Variants in DPYD observed in about 807,000 individuals in gnomAD.
DPYD encodes dihydropyrimidine dehydrogenase.
DPYD carries 109 observed loss-of-function variants against 116.2 expected under a neutral mutation model. The observed-to-expected ratio is 0.94, with a 90% CI of 0.80 to 1.10. DPYD has a LOEUF of 1.10. Among genes scored for constraint, DPYD ranks in the 50% least tolerant of loss-of-function variants. DPYD has a pLI of 0.00. For missense variants in DPYD, 1,302 were observed against 1,254.5 expected (o/e 1.04, Z -0.57); for synonymous variants, 440 against 432.0 (o/e 1.02, Z -0.23).
intron 7 of DPYD, among the ~76,000 whole-genome samples, chr1:97,688,479 T>G (rs544299103): frequency 3.9e-5 from 6 of 151,936 alleles, no homozygotes; most frequent in African/African-American, 1.5e-4. Flanking sequence ...ATAGACGATA[T>G]GAAGAAAAAT....
At chr1:97,095,254 A>G (rs1650161494) in intron 21 of DPYD, among the ~76,000 whole-genome samples, 1 of 152,128 alleles carries the variant, frequency 6.6e-6, no homozygotes, top group Non-Finnish European at 1.5e-5. Context: ...TTGTCCTTGA[A>G]AAGTTTTGGA....
intron 4 of DPYD, among the ~76,000 whole-genome samples, chr1:97,723,379 TC>T: frequency 6.6e-6 from 1 of 151,718 alleles, no homozygotes; most frequent in South Asian, 2.1e-4. Flanking sequence ...AGCATACTGT[TC>T]ATGGCTCAAT....
chr1:97,684,555 G>T (rs1052091461), intron 7 of DPYD, among the ~76,000 whole-genome samples: 1 of 149,660 alleles, frequency 6.7e-6, no homozygotes, highest in Admixed American at 6.7e-5. Context: ...CCGGGAGCTG[G>T]TTTTTTGAAA....
intron 4 of DPYD, among the ~76,000 whole-genome samples, chr1:97,735,185 G>A (rs1230863703): frequency 1.3e-5 from 2 of 152,050 alleles, no homozygotes; most frequent in African/African-American, 4.8e-5. Context: ...ATGCTTCACA[G>A]TTCTCAGAGA....
intron 8 of DPYD, among the ~76,000 whole-genome samples, chr1:97,651,575 ACTTTCAT>A (rs113664016): frequency 0.14 from 21,607 of 151,922 alleles, 1,637 homozygotes; most frequent in African/African-American, 0.18. Context: ...TTGAGTTCTG[ACTTTCAT>A]CTTTCATTCA....
chr1:97,657,838 T>C (rs1659029564), intron 8 of DPYD, among the ~76,000 whole-genome samples: 1 of 152,186 alleles, frequency 6.6e-6, no homozygotes, highest in Non-Finnish European at 1.5e-5. Flanking sequence ...TTTCTGAAAT[T>C]CTTCTCAGAG....
chr1:97,185,144 A>C (rs1482370393), intron 20 of DPYD, among the ~76,000 whole-genome samples: 2 of 152,180 alleles, frequency 1.3e-5, no homozygotes, highest in African/African-American at 4.8e-5. Context: ...AACTCCAAGA[A>C]ATCAATTAAA....
intron 3 of DPYD, among the ~76,000 whole-genome samples, chr1:97,751,407 T>C (rs1664874417): frequency 7.1e-6 from 1 of 141,304 alleles, no homozygotes; most frequent in East Asian, 2.1e-4. Flanking sequence ...TATACATATA[T>C]ACGTGTATAT....
chr1:97,681,447 T>A (rs1456745894), intron 7 of DPYD, among the ~76,000 whole-genome samples: 1 of 152,116 alleles, frequency 6.6e-6, no homozygotes, highest in African/African-American at 2.4e-5. Flanking sequence ...AAATAGTAAT[T>A]CTGTTTTTAT....
chr1:97,762,555 A>G (rs368704676), intron 3 of DPYD, among the ~76,000 whole-genome samples: 31 of 152,252 alleles, frequency 2.0e-4, no homozygotes, highest in African/African-American at 7.5e-4. Context: ...GTCAACCTTT[A>G]TATTTTAAAA....
intron 13 of DPYD, among the ~76,000 whole-genome samples, chr1:97,495,162 A>ATT (rs1478941360): frequency 6.6e-6 from 1 of 152,096 alleles, no homozygotes; most frequent in Non-Finnish European, 1.5e-5. Flanking sequence ...GGTGGGAGGA[A>ATT]TTAAGACTAA....
At chr1:97,324,378 A>T (rs1558031836) in intron 16 of DPYD, among the ~76,000 whole-genome samples, 2 of 151,960 alleles carry the variant, frequency 1.3e-5, no homozygotes, top group Admixed American at 6.6e-5. Flanking sequence ...ACCTCTTTTT[A>T]TTTAGTCTCC....
chr1:97,732,188 T>A (rs1663656698), intron 4 of DPYD, among the ~76,000 whole-genome samples: 2 of 152,062 alleles, frequency 1.3e-5, no homozygotes, highest in Admixed American at 6.6e-5. Flanking sequence ...TTGTATCAGC[T>A]GTGATTAAAA....
At chr1:97,233,755 G>A (rs1325599053) in intron 19 of DPYD, among the ~76,000 whole-genome samples, 1 of 152,116 alleles carries the variant, frequency 6.6e-6, no homozygotes, top group Admixed American at 6.5e-5. Context: ...TGTTTCTCGG[G>A]TCTTGAGATC....
At chr1:97,784,008 C>T (rs1320098901) in intron 3 of DPYD, among the ~76,000 whole-genome samples, 1 of 152,146 alleles carries the variant, frequency 6.6e-6, no homozygotes, top group Non-Finnish European at 1.5e-5. Context: ...GAGGAAACTA[C>T]ACTGGCAGTA....
chr1:97,877,800 T>C (rs1343848872), intron 2 of DPYD, among the ~76,000 whole-genome samples: 1 of 151,970 alleles, frequency 6.6e-6, no homozygotes, highest in Non-Finnish European at 1.5e-5. Context: ...GATATGTCAA[T>C]GGAGGGACAT....
chr1:97,869,676 C>T (rs189197849), intron 2 of DPYD, among the ~76,000 whole-genome samples: 1 of 151,904 alleles, frequency 6.6e-6, no homozygotes, highest in African/African-American at 2.4e-5. Flanking sequence ...CACAAACAAA[C>T]CTTGCTAAAA....
At chr1:97,224,619 A>T (rs1354495713) in intron 19 of DPYD, among the ~76,000 whole-genome samples, 2 of 151,906 alleles carry the variant, frequency 1.3e-5, no homozygotes, top group East Asian at 3.9e-4. Context: ...TACTCATCTG[A>T]CATGACTGCA....
At chr1:97,247,789 A>G (rs1025478977) in intron 18 of DPYD, among the ~76,000 whole-genome samples, 5 of 152,236 alleles carry the variant, frequency 3.3e-5, no homozygotes, top group African/African-American at 9.6e-5. Flanking sequence ...AACACAACTA[A>G]CCAAAATTGA....
Sources: allele counts gnomAD v4.1 joint callset (sites outside exome capture counted in the v4.1 genomes callset), GRCh38; gene constraint gnomAD v4.1.1; transcripts MANE v1.5; gene names NCBI Gene and HGNC (gene_info 2026-07-23, HGNC 2026-07-21).